The following WWP1 variants were observed in gnomAD, a reference collection of about 807,000 sequenced individuals.
WWP1 encodes the protein NEDD4-like E3 ubiquitin-protein ligase WWP1.
A neutral mutation model predicts 130.6 loss-of-function variants in WWP1; 49 were observed. That is an observed-to-expected ratio of 0.38 (90% CI 0.30 to 0.48). The LOEUF (loss-of-function observed/expected upper bound fraction) is 0.48, where lower values mean the gene tolerates loss of function less well. Among genes scored for constraint, WWP1 ranks in the 20% least tolerant of loss-of-function variants. WWP1 has a pLI of 0.99. For missense variants in WWP1, 809 were observed against 1,100.6 expected (o/e 0.74, Z 3.75); for synonymous variants, 332 against 367.8 (o/e 0.90, Z 1.11).
chr8:86,381,067 C>A, intron 4 of WWP1, among the ~76,000 whole-genome samples: 1 of 126,380 alleles, frequency 7.9e-6, no homozygotes, highest in East Asian at 2.3e-4. Flanking sequence ...GCTTTATAAA[C>A]CAAATTATTT....
intron 17 of WWP1, chr8:86,442,276 T>C: frequency 6.2e-6 from 1 of 161,004 alleles, no homozygotes; most frequent in Admixed American, 6.3e-5. Context: ...GTGACTGATA[T>C]TAATACAAAT....
At chr8:86,359,581 A>G (rs551062945) in intron 1 of WWP1, among the ~76,000 whole-genome samples, 1 of 151,988 alleles carries the variant, frequency 6.6e-6, no homozygotes, top group East Asian at 1.9e-4. Context: ...CTTTCCAGAC[A>G]TTTTCAAAGA....
intron 9 of WWP1, among the ~76,000 whole-genome samples, chr8:86,412,929 A>C (rs1341278223): frequency 6.6e-6 from 1 of 151,836 alleles, no homozygotes; most frequent in Non-Finnish European, 1.5e-5. Flanking sequence ...CCCAGGTTCA[A>C]GTGAGTCTGC....
intron 1 of WWP1, among the ~76,000 whole-genome samples, chr8:86,361,446 T>C (rs1823590371): frequency 6.6e-6 from 1 of 152,006 alleles, no homozygotes; most frequent in South Asian, 2.1e-4. Context: ...GTCAAAGGGG[T>C]TTTTCTAAAA....
chr8:86,389,835 G>GC (rs1378703274), intron 5 of WWP1, among the ~76,000 whole-genome samples: 1 of 150,346 alleles, frequency 6.7e-6, no homozygotes, highest in Non-Finnish European at 1.5e-5. Flanking sequence ...GGTGGGGGCT[G>GC]CCCCCCACCT....
At chr8:86,383,101 A>G (rs1041387143) in intron 5 of WWP1, among the ~76,000 whole-genome samples, 6 of 152,224 alleles carry the variant, frequency 3.9e-5, no homozygotes, top group Non-Finnish European at 8.8e-5. Context: ...AGTATAAACC[A>G]TAATAATTTT....
chr8:86,349,250 C>T (rs1822775582), intron 1 of WWP1, among the ~76,000 whole-genome samples: 2 of 152,212 alleles, frequency 1.3e-5, no homozygotes, highest in Non-Finnish European at 2.9e-5. Context: ...AACTCCTGAG[C>T]TCAGGTGATC....
chr8:86,448,605 C>CT, intron 20 of WWP1, 92 bp downstream of exon 20: 1 of 1,279,602 alleles, frequency 7.8e-7, no homozygotes, highest in South Asian at 1.9e-5. Context: ...CTTTTCATGC[C>CT]TTTGGGAAGT....
rs1470717883 is a variant in WWP1, at chr8:86,468,469, G to C, written c.*1576G>C. On this transcript the variant is annotated 3_prime_UTR_variant, in exon 25 of 25. Coordinates refer to ENST00000517970, the MANE Select transcript of WWP1 (RefSeq NM_007013.4). ...TTCTAATGTATGTGACAGGTTATGT[G>C]ATAGAGGGAAACTGGCCTTCAAAAA... The C allele has an allele frequency of 2.3e-6, 1 of 428,384 alleles. No homozygotes were observed. Among genetic ancestry groups the C allele is most frequent in the Non-Finnish European group, 4.6e-6 (1 of 218,810 alleles). 26.5% of individuals were successfully genotyped at this position (428,384 alleles called of 1,614,324 possible). A position where few individuals can be genotyped will look rare whatever the true frequency, so the allele number is the denominator to read the frequency against.
intron 13 of WWP1, 59 bp downstream of exon 13, chr8:86,431,549 A>G (rs1287331449): frequency 6.2e-7 from 1 of 1,611,570 alleles, no homozygotes; most frequent in African/African-American, 1.3e-5. Context: ...GAACCAACCA[A>G]CCTTGAATGA....
intron 2 of WWP1, among the ~76,000 whole-genome samples, chr8:86,372,017 A>ATTTTTTTTTTTT (rs34458424): frequency 2.8e-5 from 2 of 70,216 alleles, no homozygotes; most frequent in African/African-American, 6.0e-5. Flanking sequence ...TAATTTTTGT[A>ATTTTTTTTTTTT]TTTTTTTTTT....
chr8:86,437,543 T>C (rs938343205), intron 16 of WWP1, among the ~76,000 whole-genome samples: 2 of 152,172 alleles, frequency 1.3e-5, no homozygotes, highest in African/African-American at 4.8e-5. Context: ...TGTCAAACTC[T>C]TCCTGTCTTG....
chr8:86,362,021 CAT>C (rs1217160102), intron 1 of WWP1, among the ~76,000 whole-genome samples: 241 of 139,328 alleles, frequency 1.7e-3, no homozygotes, highest in Admixed American at 2.9e-3. Context: ...TATATATACA[CAT>C]ATATATACAC....
At chr8:86,416,409 C>G (rs892212640) in intron 9 of WWP1, among the ~76,000 whole-genome samples, 1 of 151,984 alleles carries the variant, frequency 6.6e-6, no homozygotes. Context: ...AGAGATTGGC[C>G]AATACTAGAC....
chr8:86,411,815 G>C lies in WWP1; in HGVS notation c.1002G>C (p.Gly334=). 6.2e-7 allele frequency: 1 copy of C among 1,614,058 alleles called. No homozygotes were observed. The highest frequency in any genetic ancestry group is 1.3e-5 in the African/African-American group (1 of 75,044). The stretch of plus-strand genomic sequence containing the variant: ...CAGCCAAATCAAGACAGCCAGATGG[G>C]TGTATGGATCCTGTACGGCAGCAGT... ...FEAAKSRQPD[G]CMDPVRQQSG... The change falls in exon 9 of 25, where the codon GGG becomes GGC. Residue 334 remains glycine, a synonymous_variant. Transcript: ENST00000517970.
rs147126662 is a variant in WWP1 at position 86,425,223 on chromosome 8, G to A, written c.1062G>A (p.Gly354=). 4.2e-5 allele frequency: 67 copies of A among 1,606,874 alleles called. No homozygotes were observed. The African/African-American group carries it at 7.6e-4, about 18-fold the overall frequency. The change falls in exon 10 of 25, where the codon GGG becomes GGA. Residue 354 remains glycine, a splice_region_variant and synonymous_variant. Transcript: ENST00000517970. ...TGTTATTTTTGTATTTTTATTAAAGGTGGGAACAAAGAAAAGATCCTCATG... is the reference window on the plus strand; with the variant it reads ...TGTTATTTTTGTATTTTTATTAAAGATGGGAACAAAGAAAAGATCCTCATG... ...GNANTETLPS[G]WEQRKDPHGR... is the part of the protein sequence containing the mutation.
chr8:86,452,711 A>G, intron 21 of WWP1, 32 bp downstream of exon 21: 1 of 1,607,122 alleles, frequency 6.2e-7, no homozygotes, highest in Non-Finnish European at 8.5e-7. Context: ...ATTGTAGGGA[A>G]TGTTAGTGGG....
intron 3 of WWP1, among the ~76,000 whole-genome samples, chr8:86,378,129 T>A (rs1281237289): frequency 6.6e-6 from 1 of 152,182 alleles, no homozygotes; most frequent in Non-Finnish European, 1.5e-5. Flanking sequence ...TACTTTGCAT[T>A]TTAAAATACA....
chr8:86,430,782 G>GAGAT, intron 12 of WWP1, 31 bp downstream of exon 12: 1 of 1,249,136 alleles, frequency 8.0e-7, no homozygotes, highest in African/African-American at 1.8e-5. Context: ...ATCTATAAGG[G>GAGAT]AGATATATAT....
Sources: allele counts gnomAD v4.1 joint callset (sites outside exome capture counted in the v4.1 genomes callset), GRCh38; gene constraint gnomAD v4.1.1; transcripts MANE v1.5; gene names NCBI Gene and HGNC (gene_info 2026-07-23, HGNC 2026-07-21).